PPP3CB: variants seen among roughly 807,000 people sequenced by gnomAD.
The protein encoded by PPP3CB is serine/threonine-protein phosphatase 2B catalytic subunit beta isoform.
PPP3CB carries 8 observed loss-of-function variants against 66.4 expected under a neutral mutation model. The ratio of observed to expected loss-of-function variants is 0.12; its 90% CI spans 0.07 to 0.22. PPP3CB has a LOEUF of 0.22. Among genes scored for constraint, PPP3CB ranks in the 10% least tolerant of loss-of-function variants. The pLI, the probability that PPP3CB is intolerant of heterozygous loss-of-function variation, is 1.00. For missense variants in PPP3CB, 319 were observed against 642.5 expected, an observed-to-expected ratio of 0.50 and a Z score of 5.44; for synonymous variants, 208 against 221.2, an observed-to-expected ratio of 0.94 and a Z score of 0.53.
intron 1 of PPP3CB, among the ~76,000 whole-genome samples, chr10:73,479,723 TA>T (rs1310458188): frequency 6.6e-6 from 1 of 152,232 alleles, no homozygotes; most frequent in African/African-American, 2.4e-5. Context: ...TGTTGAGAAT[TA>T]TTAGAGAAAT....
intron 12 of PPP3CB, among the ~76,000 whole-genome samples, chr10:73,441,532 T>C (rs896275074): frequency 4.6e-5 from 7 of 152,148 alleles, no homozygotes; most frequent in Non-Finnish European, 4.4e-5. Flanking sequence ...TGAGCCCAGA[T>C]TGCTAATTGC....
chr10:73,455,025 G>A (rs187387654), intron 9 of PPP3CB, among the ~76,000 whole-genome samples: 28 of 151,750 alleles, frequency 1.8e-4, no homozygotes, highest in African/African-American at 4.8e-5. Context: ...GACACCCATC[G>A]TCATGCCCAG....
At chr10:73,486,187 G>A (rs1038177075) in intron 1 of PPP3CB, among the ~76,000 whole-genome samples, 1 of 150,758 alleles carries the variant, frequency 6.6e-6, no homozygotes, top group Non-Finnish European at 1.5e-5. Flanking sequence ...CTCGTGATCC[G>A]CCTGCCTCGG....
chr10:73,448,360 A>G (rs2056292683), intron 10 of PPP3CB, among the ~76,000 whole-genome samples: 1 of 152,224 alleles, frequency 6.6e-6, no homozygotes, highest in Non-Finnish European at 1.5e-5. Flanking sequence ...GGGAAATAAT[A>G]GACAATCAAA....
At chr10:73,461,955 T>A (rs569857091) in intron 9 of PPP3CB, among the ~76,000 whole-genome samples, 1 of 151,866 alleles carries the variant, frequency 6.6e-6, no homozygotes, top group African/African-American at 2.4e-5. Context: ...CTTGTGAAAT[T>A]TGGCTGTTTT....
chr10:73,491,872 C>A (rs2057083235), intron 1 of PPP3CB, among the ~76,000 whole-genome samples: 1 of 152,064 alleles, frequency 6.6e-6, no homozygotes, highest in Admixed American at 6.6e-5. Context: ...GAGGTTGAGG[C>A]AGGAGAATCG....
intron 1 of PPP3CB, among the ~76,000 whole-genome samples, chr10:73,490,866 C>G (rs973227719): frequency 9.9e-5 from 15 of 151,794 alleles, no homozygotes; most frequent in African/African-American, 3.6e-4. Flanking sequence ...CGGAATATCG[C>G]TCTGTCACCC....
chr10:73,477,461 G>A (rs553278033), intron 3 of PPP3CB, among the ~76,000 whole-genome samples: 43 of 152,194 alleles, frequency 2.8e-4, no homozygotes, highest in South Asian at 1.0e-3. Context: ...ATGATGCTAC[G>A]AGTTTATATT....
chr10:73,456,505 CAG>C (rs1314717539), intron 9 of PPP3CB, among the ~76,000 whole-genome samples: 3 of 152,144 alleles, frequency 2.0e-5, no homozygotes, highest in Admixed American at 6.5e-5. Flanking sequence ...CACAACAGAA[CAG>C]AGAGTCCAGA....
intron 10 of PPP3CB, among the ~76,000 whole-genome samples, chr10:73,449,277 A>G (rs1469019051): frequency 1.3e-5 from 2 of 152,230 alleles, no homozygotes; most frequent in African/African-American, 4.8e-5. Context: ...ACAAGAGCAC[A>G]TGATTTCCTA....
At chr10:73,476,530 T>C (rs1425593333) in intron 3 of PPP3CB, among the ~76,000 whole-genome samples, 5 of 150,268 alleles carry the variant, frequency 3.3e-5, no homozygotes, top group Non-Finnish European at 7.4e-5. Flanking sequence ...GGCAGGAGAA[T>C]CTCTTGAACC....
intron 13 of PPP3CB, 148 bp downstream of exon 13, chr10:73,439,724 G>C (rs1273997793): frequency 3.8e-6 from 3 of 795,234 alleles, no homozygotes; most frequent in East Asian, 5.1e-5. Flanking sequence ...TAAAAAAAGA[G>C]GGCTGCAAGG....
chr10:73,489,535 A>G (rs748565433), intron 1 of PPP3CB, among the ~76,000 whole-genome samples: 1 of 152,040 alleles, frequency 6.6e-6, no homozygotes, highest in Non-Finnish European at 1.5e-5. Context: ...AAACCCTATA[A>G]TAAGATTTTA....
At chr10:73,476,024 GT>G (rs903948557) in intron 3 of PPP3CB, among the ~76,000 whole-genome samples, 123 of 137,518 alleles carry the variant, frequency 8.9e-4, no homozygotes, top group African/African-American at 1.7e-3. Flanking sequence ...GCCCAGCTAA[GT>G]TTTTTTTTTT....
At chr10:73,467,114 T>C (rs2056629255) in intron 9 of PPP3CB, 1 of 152,144 alleles carries the variant, frequency 6.6e-6, no homozygotes, top group Non-Finnish European at 1.5e-5. Flanking sequence ...CTTTATGATT[T>C]CTCTTAAAGT....
chr10:73,488,262 T>C (rs1362487772), intron 1 of PPP3CB, among the ~76,000 whole-genome samples: 3 of 152,064 alleles, frequency 2.0e-5, no homozygotes, highest in African/African-American at 7.2e-5. Flanking sequence ...AGGCTGATCA[T>C]GGCTGGGCGT....
chr10:73,483,634 G>C lies in PPP3CB; in HGVS notation c.86-4117C>G, dbSNP rs572056772. ...ATCATGCCAGTGCATTCCAGCCTGG[G>C]AGACAGAGCAAGACTCCGTCTAAAG... is the stretch of plus-strand genomic sequence containing the variant. On this transcript the variant is annotated intron_variant, in intron 1 of 13. Transcript: ENST00000360663. 2.6e-5 allele frequency among the ~76,000 whole-genome samples: 4 copies of C among 152,284 alleles called. 1 individual carries two copies. In the South Asian group the frequency reaches 8.3e-4, roughly 32 times the overall value.
In PPP3CB at chr10:73,444,712, A is replaced by G. The variant is rs369219133; in HGVS notation, c.1366+13T>C. On this transcript the variant is annotated intron_variant, in intron 12 of 13. Coordinates refer to ENST00000360663, the MANE Select transcript of PPP3CB (RefSeq NM_021132.4). ...GTCCATCTGAGGCACAGCAAGTTGC[A>G]TAACATCATTACCACTTTGCAGGGT... 36 of 1,614,154 alleles carry G rather than the reference A, an allele frequency of 2.2e-5. No homozygotes were observed. The highest frequency in any genetic ancestry group is 2.9e-5 in the Non-Finnish European group (34 of 1,180,008).
At chr10:73,444,340 C>A in intron 12 of PPP3CB, 1 of 457,486 alleles carries the variant, frequency 2.2e-6, no homozygotes, top group Non-Finnish European at 3.8e-6. Flanking sequence ...AAAAAAGAAA[C>A]TTGGAATTAC....
Sources: allele counts gnomAD v4.1 joint callset (sites outside exome capture counted in the v4.1 genomes callset), GRCh38; gene constraint gnomAD v4.1.1; transcripts MANE v1.5; gene names NCBI Gene and HGNC (gene_info 2026-07-23, HGNC 2026-07-21).